Variants in SMAP1 observed in about 807,000 individuals in gnomAD.
SMAP1 encodes stromal membrane-associated protein 1.
SMAP1 carries 24 observed loss-of-function variants against 58.5 expected under a neutral mutation model. That is an observed-to-expected ratio of 0.41 (90% CI 0.30 to 0.58). SMAP1 has a LOEUF of 0.58. Ranked by LOEUF, SMAP1 falls within the 20% of genes least tolerant of loss-of-function variation. SMAP1 has a pLI of 0.29. For missense variants in SMAP1, 563 were observed against 566.3 expected (o/e 0.99, Z 0.06); for synonymous variants, 216 against 196.6 (o/e 1.10, Z -0.82).
chr6:70,860,419 TA>T lies in SMAP1; in HGVS notation c.*86del, dbSNP rs1275816398. On this transcript the variant is annotated 3_prime_UTR_variant, in exon 11 of 11. Transcript: ENST00000370455. Reference sequence around the variant, plus strand: ...TAGTTCCCCTGTTTATTCATATGCATATTTTTTTTCTTTTTACCCATTTGTT... The same window carrying T: ...TAGTTCCCCTGTTTATTCATATGCATTTTTTTTTCTTTTTACCCATTTGTT... The T allele has an allele frequency of 4.9e-5, 73 of 1,487,066 alleles. 1 individual carries two copies. Among genetic ancestry groups the T allele is most frequent in the Non-Finnish European group, 5.9e-5 (66 of 1,109,584 alleles). 92.1% of individuals were successfully genotyped at this position (1,487,066 alleles called of 1,614,324 possible).
intron 3 of SMAP1, among the ~76,000 whole-genome samples, chr6:70,768,389 T>C (rs1298184803): frequency 6.6e-6 from 1 of 152,228 alleles, no homozygotes; most frequent in African/African-American, 2.4e-5. Context: ...CTGGACTCTT[T>C]TTGGTTGGTA....
At chr6:70,752,897 C>A (rs1766335995) in intron 2 of SMAP1, among the ~76,000 whole-genome samples, 1 of 152,070 alleles carries the variant, frequency 6.6e-6, no homozygotes, top group Admixed American at 6.6e-5. Context: ...CACTTTTACG[C>A]AGTCACTTTT....
At chr6:70,693,428 T>G (rs1767266074) in intron 1 of SMAP1, among the ~76,000 whole-genome samples, 1 of 151,360 alleles carries the variant, frequency 6.6e-6, no homozygotes, top group Non-Finnish European at 1.5e-5. Flanking sequence ...CTCTGCCTCC[T>G]GAGTAGCTAG....
At chr6:70,835,895 G>GT (rs1188305966) in intron 6 of SMAP1, among the ~76,000 whole-genome samples, 1 of 152,242 alleles carries the variant, frequency 6.6e-6, no homozygotes, top group South Asian at 2.1e-4. Flanking sequence ...CCTACGCAAT[G>GT]TTTTTTGTGA....
intron 4 of SMAP1, 130 bp from the exon 5 acceptor site, chr6:70,791,559 C>G: frequency 1.6e-6 from 1 of 626,000 alleles, no homozygotes; most frequent in South Asian, 2.5e-5. Context: ...CATTGTTTTA[C>G]TTTATTAACA....
Position 70,741,775 on chromosome 6 carries a change from C to CA in SMAP1, c.252+9267dup, listed in dbSNP as rs1765823181. Among the ~76,000 whole-genome samples, 3 of 152,322 alleles carry CA rather than the reference C, an allele frequency of 2.0e-5. No homozygotes were observed. The South Asian group carries it at 6.2e-4, about 32-fold the overall frequency. The stretch of plus-strand genomic sequence containing the variant: ...CTCCATGAGGGCCCCACCCCTGCAA[C>CA]AAACTTCTGTTTGGACATCCAGGTA... On this transcript the variant is annotated intron_variant, in intron 2 of 10. Coordinates refer to ENST00000370455, the MANE Select transcript of SMAP1 (RefSeq NM_001044305.3).
chr6:70,796,489 G>T (rs141287666), intron 5 of SMAP1, among the ~76,000 whole-genome samples: 1 of 152,294 alleles, frequency 6.6e-6, no homozygotes, highest in African/African-American at 2.4e-5. Flanking sequence ...AGACAATAAG[G>T]TGCTTATCAC....
Position 70,861,852 on chromosome 6 carries a change from G to C in SMAP1, c.*1518G>C. On this transcript the variant is annotated 3_prime_UTR_variant, in exon 11 of 11. Coordinates refer to ENST00000370455, the MANE Select transcript of SMAP1 (RefSeq NM_001044305.3). ...TACCTTAGTGCAGTTATTTGCTTTC[G>C]GTTCCAGTTCTTCGACTGTTGTTAT... 1 of 1,614,002 alleles carries C rather than the reference G, an allele frequency of 6.2e-7. No homozygotes were observed. Among genetic ancestry groups the C allele is most frequent in the Non-Finnish European group, 8.5e-7 (1 of 1,179,976 alleles).
At chr6:70,678,880 T>C (rs1168048465) in intron 1 of SMAP1, among the ~76,000 whole-genome samples, 3 of 152,154 alleles carry the variant, frequency 2.0e-5, no homozygotes, top group Non-Finnish European at 4.4e-5. Flanking sequence ...ATCTGGGTAA[T>C]ACAGGACAAT....
Position 70,860,276 on chromosome 6 carries a change from C to G in SMAP1, c.1346C>G (p.Thr449Arg), listed in dbSNP as rs767523193. ...TAGFGQPSSTTAGWSGSSSGQ... is the reference protein window; with the variant it reads ...TAGFGQPSSTRAGWSGSSSGQ... The stretch of plus-strand genomic sequence containing the variant: ...GGTTTTGGCCAGCCCTCCAGCACAA[C>G]AGCAGGATGGTCTGGAAGCTCATCA... Residue 449 changes from threonine (T) to arginine (R), a missense_variant, in exon 11 of 11, where the codon ACA becomes AGA. Thr to Arg is a moderately conservative substitution (Grantham distance 71). This residue lies in a region of SMAP1 where 494 missense variants were observed against 473.8 expected (regional missense o/e 1.04). Coordinates refer to ENST00000370455, the MANE Select transcript of SMAP1 (RefSeq NM_001044305.3). The G allele has an allele frequency of 1.2e-6, 2 of 1,613,816 alleles. No individual in the cohort carries two copies. Among genetic ancestry groups the G allele is most frequent in the Non-Finnish European group, 8.5e-7 (1 of 1,179,858 alleles).
intron 6 of SMAP1, among the ~76,000 whole-genome samples, chr6:70,811,911 C>A (rs544176230): frequency 1.3e-5 from 2 of 152,126 alleles, no homozygotes; most frequent in Non-Finnish European, 2.9e-5. Flanking sequence ...CTTGTATATA[C>A]TATGATTTTG....
At chr6:70,717,351 C>T (rs924996750) in intron 1 of SMAP1, among the ~76,000 whole-genome samples, 10 of 152,226 alleles carry the variant, frequency 6.6e-5, no homozygotes, top group Non-Finnish European at 1.3e-4. Context: ...CCAAGACACT[C>T]TTGCTCTTAG....
At chr6:70,789,410 G>T (rs987441777) in intron 4 of SMAP1, among the ~76,000 whole-genome samples, 3 of 141,176 alleles carry the variant, frequency 2.1e-5, no homozygotes, top group Admixed American at 7.2e-5. Flanking sequence ...TTCTTTTCTA[G>T]AGTTTTATGT....
rs144903835 is a variant in SMAP1 at position 70,682,480 on chromosome 6, C to T, written c.118+14339C>T. On this transcript the variant is annotated intron_variant, in intron 1 of 10. Coordinates refer to ENST00000370455, the MANE Select transcript of SMAP1 (RefSeq NM_001044305.3). The stretch of plus-strand genomic sequence containing the variant: ...CTGGGATTACAGGTGTGAGCCACCA[C>T]GCCCGGCCCTCTGCACAGAATATTG... Among the ~76,000 whole-genome samples the T allele has an allele frequency of 2.0e-3, 308 of 152,164 alleles. 2 individuals are homozygous for T. Among genetic ancestry groups the T allele is most frequent in the African/African-American group, 7.1e-3 (295 of 41,536 alleles).
At chr6:70,758,244 A>G (rs1766592527) in intron 3 of SMAP1, among the ~76,000 whole-genome samples, 1 of 151,896 alleles carries the variant, frequency 6.6e-6, no homozygotes, top group Admixed American at 6.6e-5. Flanking sequence ...ATTGGAAATC[A>G]TCATTCTCAG....
intron 10 of SMAP1, 66 bp downstream of exon 10, chr6:70,858,295 T>TTTG: frequency 8.3e-7 from 1 of 1,209,590 alleles, no homozygotes; most frequent in Non-Finnish European, 1.1e-6. Context: ...ATCTTTTTTT[T>TTTG]TTTTTTTTTT....
chr6:70,784,971 C>T (rs11755678), intron 4 of SMAP1, among the ~76,000 whole-genome samples: 2 of 151,960 alleles, frequency 1.3e-5, no homozygotes, highest in African/African-American at 4.8e-5. Flanking sequence ...CATCTACAGA[C>T]CTCTCCACCC....
chr6:70,846,919 T>TGA (rs1206679183), intron 7 of SMAP1, among the ~76,000 whole-genome samples: 3 of 152,132 alleles, frequency 2.0e-5, no homozygotes, highest in Non-Finnish European at 2.9e-5. Flanking sequence ...TCCCTCCAGG[T>TGA]GAGGTAAGGA....
chr6:70,805,521 T>C (rs1769086530), intron 6 of SMAP1, among the ~76,000 whole-genome samples: 1 of 152,224 alleles, frequency 6.6e-6, no homozygotes, highest in Non-Finnish European at 1.5e-5. Context: ...TCAAAGTCAT[T>C]CTGCATCCAG....
Sources: allele counts gnomAD v4.1 joint callset (sites outside exome capture counted in the v4.1 genomes callset), GRCh38; gene constraint gnomAD v4.1.1; regional missense constraint gnomAD v4.1.1; transcripts MANE v1.5; gene names NCBI Gene and HGNC (gene_info 2026-07-23, HGNC 2026-07-21).